The following CLNK variants were observed in gnomAD, a reference collection of about 807,000 sequenced individuals.
CLNK encodes cytokine-dependent hematopoietic cell linker.
Under a neutral mutation model 68.6 loss-of-function variants are expected in CLNK, and 74 were observed. That is an observed-to-expected ratio of 1.08 (90% CI 0.89 to 1.31). The LOEUF is 1.31. Ranked by LOEUF, CLNK falls within the 50% of genes most tolerant of loss-of-function variation. The pLI, the probability that CLNK is intolerant of heterozygous loss-of-function variation, is 0.00. For synonymous variants in CLNK, 198 were observed against 172.2 expected, an observed-to-expected ratio of 1.15 and a Z score of -1.17; for missense variants, 553 against 515.3, an observed-to-expected ratio of 1.07 and a Z score of -0.71.
intron 2 of CLNK, among the ~76,000 whole-genome samples, chr4:10,623,443 T>G (rs1167592976): frequency 6.6e-6 from 1 of 152,252 alleles, no homozygotes; most frequent in Non-Finnish European, 1.5e-5. Flanking sequence ...CTCTGGAATC[T>G]GACTGTCTGG....
intron 2 of CLNK, among the ~76,000 whole-genome samples, chr4:10,646,103 C>T (rs1723500955): frequency 6.6e-6 from 1 of 152,060 alleles, no homozygotes; most frequent in Admixed American, 6.5e-5. Flanking sequence ...GGTGGGTGAG[C>T]AAGTTATGGA....
At chr4:10,704,647 G>A in the CLNK span, among the ~76,000 whole-genome samples, 1 of 152,100 alleles carries the variant, frequency 6.6e-6, no homozygotes, top group Non-Finnish European at 1.5e-5. Flanking sequence ...CCAGGACATG[G>A]CAGCTCTGCC....
chr4:10,507,964 T>A lies in CLNK; in HGVS notation c.979A>T (p.Asn327Tyr), dbSNP rs1717381568. The change falls in exon 17 of 19, where the codon AAC becomes TAC. Residue 327 changes from asparagine (N) to tyrosine (Y), a missense_variant. Transcript: ENST00000226951. ...QAVEEAFMKENKDGSFLVRDC... is the reference protein window; with the variant it reads ...QAVEEAFMKEYKDGSFLVRDC... ...GGCCACGTAGAAGGCATTACCTTGT[T>A]CTCCTTCATGAATGCCTCTTCCACT... The A allele has an allele frequency of 3.1e-6, 5 of 1,604,720 alleles. No homozygotes were observed. In the South Asian group the frequency reaches 5.6e-5, roughly 18 times the overall value.
intron 1 of CLNK, among the ~76,000 whole-genome samples, chr4:10,673,591 C>T (rs1331465768): frequency 1.3e-5 from 2 of 151,794 alleles, no homozygotes; most frequent in South Asian, 2.1e-4. Flanking sequence ...CACTGCATGT[C>T]CGCACTCACA....
chr4:10,637,558 C>G (rs564568445), intron 2 of CLNK, among the ~76,000 whole-genome samples: 1 of 146,530 alleles, frequency 6.8e-6, no homozygotes, highest in South Asian at 2.2e-4. Context: ...AGACTCCCAG[C>G]TCCTGGAACA....
At chr4:10,569,691 T>C (rs1221855869) in intron 5 of CLNK, among the ~76,000 whole-genome samples, 1 of 152,198 alleles carries the variant, frequency 6.6e-6, no homozygotes, top group Non-Finnish European at 1.5e-5. Flanking sequence ...AATTCTGGAA[T>C]GTGCTCCTCC....
intron 15 of CLNK, among the ~76,000 whole-genome samples, chr4:10,515,806 T>C (rs937408928): frequency 2.6e-5 from 4 of 152,220 alleles, no homozygotes; most frequent in African/African-American, 9.6e-5. Context: ...TTATGTCTAT[T>C]ATCTATTATT....
At chr4:10,515,444 C>T (rs1349756140) in intron 15 of CLNK, among the ~76,000 whole-genome samples, 3 of 151,292 alleles carry the variant, frequency 2.0e-5, no homozygotes, top group Admixed American at 6.6e-5. Context: ...ACTTTGGAAA[C>T]ACCATTTTTT....
chr4:10,689,726 A>G (rs1218600936), upstream of CLNK, among the ~76,000 whole-genome samples: 1 of 141,634 alleles, frequency 7.1e-6, no homozygotes, highest in Admixed American at 7.3e-5. Flanking sequence ...TATCTCCTGC[A>G]ATGGATCAAA....
At chr4:10,497,046 A>C (rs1418903102) in intron 18 of CLNK, among the ~76,000 whole-genome samples, 1 of 152,172 alleles carries the variant, frequency 6.6e-6, no homozygotes, top group Non-Finnish European at 1.5e-5. Context: ...GGATACCTTC[A>C]ACTGGTAATG....
chr4:10,614,170 G>A (rs1189936894), intron 2 of CLNK, among the ~76,000 whole-genome samples: 1 of 152,186 alleles, frequency 6.6e-6, no homozygotes, highest in African/African-American at 2.4e-5. Context: ...TCCTCCCCTG[G>A]CAGATGTCTG....
intron 2 of CLNK, among the ~76,000 whole-genome samples, chr4:10,619,988 A>G (rs1038703198): frequency 2.0e-5 from 3 of 152,224 alleles, no homozygotes; most frequent in African/African-American, 7.2e-5. Context: ...GGGAACCTCA[A>G]TCACCAACCC....
chr4:10,520,733 A>G (rs1335781320), intron 15 of CLNK, 58 bp downstream of exon 15: 19 of 1,332,074 alleles, frequency 1.4e-5, no homozygotes, highest in Non-Finnish European at 1.9e-5. Context: ...TCACAGTGCC[A>G]CAATATCACA....
intron 2 of CLNK, among the ~76,000 whole-genome samples, chr4:10,656,295 G>A (rs1159753497): frequency 2.1e-5 from 2 of 95,526 alleles, no homozygotes; most frequent in African/African-American, 8.2e-5. Flanking sequence ...AATAAATAAT[G>A]CATACAAATC....
chr4:10,662,762 A>T (rs1724243006), intron 2 of CLNK, among the ~76,000 whole-genome samples: 1 of 150,844 alleles, frequency 6.6e-6, no homozygotes. Context: ...ATAAACTAAG[A>T]CAACTGTAGC....
intron 2 of CLNK, among the ~76,000 whole-genome samples, chr4:10,603,521 C>T (rs1036809449): frequency 2.6e-5 from 4 of 152,188 alleles, no homozygotes; most frequent in Non-Finnish European, 5.9e-5. Context: ...GGTTGGGCTC[C>T]TGAGGAAGCA....
chr4:10,661,159 T>C (rs955280030), intron 2 of CLNK, among the ~76,000 whole-genome samples: 3 of 152,128 alleles, frequency 2.0e-5, no homozygotes, highest in Non-Finnish European at 4.4e-5. Flanking sequence ...AAAGCAGGGG[T>C]TGTTCACACA....
chr4:10,689,734 A>C (rs950127073), upstream of CLNK, among the ~76,000 whole-genome samples: 1 of 90,800 alleles, frequency 1.1e-5, no homozygotes, highest in Admixed American at 1.2e-4. Context: ...GCAATGGATC[A>C]AAACCCATGC....
At chr4:10,663,177 C>A (rs550142990) in intron 2 of CLNK, among the ~76,000 whole-genome samples, 1 of 152,188 alleles carries the variant, frequency 6.6e-6, no homozygotes, top group African/African-American at 2.4e-5. Flanking sequence ...CTAGCCCCAG[C>A]GGTGTAATGG....
Sources: gnomAD v4.1 joint callset for allele counts (sites outside exome capture counted in the v4.1 genomes callset) on GRCh38, gnomAD v4.1.1 for gene constraint, MANE v1.5 for transcripts, NCBI Gene and HGNC (gene_info 2026-07-23, HGNC 2026-07-21) for gene names.